The following CYP4F11 variants were observed in gnomAD, a reference collection of about 807,000 sequenced individuals.
CYP4F11 encodes the protein cytochrome P450 family 4 subfamily F member 11.
CYP4F11 carries 79 observed loss-of-function variants against 62.2 expected under a neutral mutation model. The observed-to-expected ratio is 1.27, with a 90% confidence interval of 1.06 to 1.53. CYP4F11 has a LOEUF of 1.53. CYP4F11 is among the 40% of genes most tolerant of loss of function. The pLI is 0.00. For synonymous variants in CYP4F11, 290 were observed against 263.7 expected (o/e 1.10, Z -0.97); for missense variants, 777 against 680.5 (o/e 1.14, Z -1.58).
In CYP4F11 at chr19:15,923,238, C is replaced by CCTCTCTCTCTCTCT. The variant is rs3056063; in HGVS notation, c.918+560_918+573dup. ...TTTTATTCCAGAACAAAGCAAACAT[C>CCTCTCTCTCTCTCT]CTCTCTCTCTCTCTCTCTCTCTCTC... is the stretch of plus-strand genomic sequence containing the variant. On this transcript the variant is annotated intron_variant, in intron 6 of 11. Transcript: ENST00000402119. Among the ~76,000 whole-genome samples, 433 of 110,468 alleles carry CCTCTCTCTCTCTCT rather than the reference C, an allele frequency of 3.9e-3. 6 individuals are homozygous for CCTCTCTCTCTCTCT. The highest frequency in any genetic ancestry group is 0.01 in the African/African-American group (292 of 28,164). 72.5% of individuals were successfully genotyped at this position (110,468 alleles called of 152,430 possible).
intron 8 of CYP4F11, among the ~76,000 whole-genome samples, chr19:15,920,176 A>G (rs1244508606): frequency 2.0e-5 from 3 of 152,226 alleles, no homozygotes; most frequent in African/African-American, 7.2e-5. Flanking sequence ...AGTGTACCCC[A>G]TAAATATATA....
intron 4 of CYP4F11, 46 bp from the exon 5 acceptor site, chr19:15,924,928 GA>G: frequency 6.3e-7 from 1 of 1,581,176 alleles, no homozygotes; most frequent in Non-Finnish European, 8.6e-7. Flanking sequence ...TGCCTCCTGG[GA>G]GCACCTTCCC....
intron 2 of CYP4F11, among the ~76,000 whole-genome samples, chr19:15,928,872 T>G (rs545575829): frequency 6.6e-6 from 1 of 152,232 alleles, no homozygotes; most frequent in Non-Finnish European, 1.5e-5. Context: ...CTCACCAGAC[T>G]TGAACATCAC....
upstream of CYP4F11, chr19:15,934,581 A>G (rs1162791505): frequency 1.4e-5 from 10 of 737,002 alleles, no homozygotes; most frequent in Admixed American, 2.7e-4. Context: ...CCCAATGAAA[A>G]CCAGCAGCCA....
intron 5 of CYP4F11, 118 bp from the exon 6 acceptor site, chr19:15,924,200 C>T (rs963952074): frequency 2.4e-6 from 3 of 1,249,952 alleles, no homozygotes; most frequent in Non-Finnish European, 2.2e-6. Flanking sequence ...GGAGACTTGA[C>T]TCTCCAAACT....
rs2089636568 is a variant in CYP4F11, at chr19:15,922,433, G to A, written c.919-3C>T. The stretch of plus-strand genomic sequence containing the variant: ...GACAATTCCTTCCCATCTTCATCCT[G>A]GAGAGAAGGCAAGACAATATCCCTG... On this transcript the variant is annotated splice_polypyrimidine_tract_variant and splice_region_variant and intron_variant, in intron 6 of 11. Coordinates refer to ENST00000402119, the MANE Select transcript of CYP4F11 (RefSeq NM_021187.4). 1.2e-6 allele frequency: 2 copies of A among 1,614,040 alleles called. No individual in the cohort carries two copies. The highest frequency in any genetic ancestry group is 1.7e-6 in the Non-Finnish European group (2 of 1,179,976).
intron 1 of CYP4F11, among the ~76,000 whole-genome samples, chr19:15,931,332 C>T (rs1239756374): frequency 6.6e-6 from 1 of 151,788 alleles, no homozygotes; most frequent in Non-Finnish European, 1.5e-5. Context: ...AGTCCCTGGA[C>T]AGTAGACTCA....
At position 15,924,808 on chromosome 19, in the gene CYP4F11, C is replaced by T. The variant is rs750209060; in HGVS notation, c.600G>A (p.Leu200=). The change falls in exon 5 of 12, where the codon TTG becomes TTA. Residue 200 remains leucine, a synonymous_variant. Coordinates refer to ENST00000402119, the MANE Select transcript of CYP4F11 (RefSeq NM_021187.4). The part of the protein sequence containing the change: ...DMFEHISLMT[L]DSLQKCVFSF... Reference sequence around the variant, plus strand: ...TGAAGACACATTTCTGCAGACTGTCCAAGGTCATGAGGCTGATGTGTTCAA... The same window carrying T: ...TGAAGACACATTTCTGCAGACTGTCTAAGGTCATGAGGCTGATGTGTTCAA... 10 of 1,613,130 alleles carry T rather than the reference C, an allele frequency of 6.2e-6. No individual in the cohort carries two copies. The African/African-American group carries it at 1.3e-4, about 22-fold the overall frequency.
At chr19:15,934,109 C>A in intron 1 of CYP4F11, 102 bp downstream of exon 1, 1 of 1,278,224 alleles carries the variant, frequency 7.8e-7, no homozygotes, top group Non-Finnish European at 1.1e-6. Flanking sequence ...TGTGTTCCCA[C>A]ACCCCAGCCA....
intron 1 of CYP4F11, among the ~76,000 whole-genome samples, chr19:15,930,178 C>A (rs1396221742): frequency 6.6e-6 from 1 of 152,142 alleles, no homozygotes; most frequent in East Asian, 1.9e-4. Context: ...ACATCAAGTT[C>A]CCCCTGCAGC....
intron 8 of CYP4F11, 138 bp from the exon 9 acceptor site, chr19:15,915,033 G>A: frequency 7.2e-6 from 10 of 1,382,170 alleles, no homozygotes; most frequent in South Asian, 5.2e-5. Flanking sequence ...AATTTAAAAA[G>A]CAGAAAAAAA....
rs547384373 is a variant in CYP4F11, at chr19:15,927,335, A to G, written c.402T>C (p.Asp134=). The part of the protein sequence containing the change: ...FYGFLKPWLG[D]GLLLSGGDKW... Reference sequence around the variant, plus strand: ...TGTCACCACCACTCAGCAGGAGCCCATCCCCTGGCAGGGCAACCAAGGACA... The same window carrying G: ...TGTCACCACCACTCAGCAGGAGCCCGTCCCCTGGCAGGGCAACCAAGGACA... The change falls in exon 4 of 12, where the codon GAT becomes GAC. Residue 134 remains aspartate (D), a synonymous_variant. Coordinates refer to ENST00000402119, the MANE Select transcript of CYP4F11 (RefSeq NM_021187.4). 1 of 1,614,126 alleles carries G rather than the reference A, an allele frequency of 6.2e-7. No homozygotes were observed. Among genetic ancestry groups the G allele is most frequent in the Non-Finnish European group, 8.5e-7 (1 of 1,179,976 alleles).
chr19:15,923,277 CTCTT>C (rs935367705), intron 6 of CYP4F11, among the ~76,000 whole-genome samples: 4 of 150,458 alleles, frequency 2.7e-5, no homozygotes, highest in Admixed American at 2.6e-4. Flanking sequence ...CTCTCTCTCT[CTCTT>C]TCTCATTCCC....
At position 15,924,857 on chromosome 19, in the gene CYP4F11, T is replaced by G; in HGVS notation, c.551A>C (p.Glu184Ala). ...MHDKWQRLAS[E>A]GSARLDMFEH... ...AAACATGTCCAGTCTGGCGCTGCCCTCTGAGGCCAGGCGCTGCCACTTGTC... is the reference window on the plus strand; with the variant it reads ...AAACATGTCCAGTCTGGCGCTGCCCGCTGAGGCCAGGCGCTGCCACTTGTC... Residue 184 changes from glutamate (E) to alanine (A), a missense_variant, in exon 5 of 12, where the codon GAG becomes GCG. Physicochemically the swap from Glu to Ala is moderately radical, Grantham distance 107. Transcript: ENST00000402119. 1 of 1,612,108 alleles carries G rather than the reference T, an allele frequency of 6.2e-7. No homozygotes were observed.
rs374426279 is a variant in CYP4F11 at position 15,914,330 on chromosome 19, A to C, written c.1372T>G (p.Phe458Val). The change falls in exon 11 of 12, where the codon TTT becomes GTT. Residue 458 changes from phenylalanine (F) to valine (V), a missense_variant. Coordinates refer to ENST00000402119, the MANE Select transcript of CYP4F11 (RefSeq NM_021187.4). ...ENIKERSPLA[F>V]IPFSAGPRNC... ...CTGGGCCCTGCCGAGAAGGGAATAA[A>C]AGCCAGAGGTGACCTCTCCTTGATG... 39 of 1,613,918 alleles carry C rather than the reference A, an allele frequency of 2.4e-5. No individual in the cohort carries two copies. The African/African-American group carries it at 3.5e-4, about 14-fold the overall frequency.
In CYP4F11 at chr19:15,934,488, G is replaced by C; in HGVS notation, c.-80C>G. Reference sequence around the variant, plus strand: ...GGAAGCTCCAAGGACAGTGGAAAGGGGCAAGGATGGGCAGTGCTGGAGGCA... The same window carrying C: ...GGAAGCTCCAAGGACAGTGGAAAGGCGCAAGGATGGGCAGTGCTGGAGGCA... On this transcript the variant is annotated 5_prime_UTR_variant, in exon 1 of 12. Transcript: ENST00000402119. 6.7e-7 allele frequency: 1 copy of C among 1,497,228 alleles called. No individual in the cohort carries two copies. Among genetic ancestry groups the C allele is most frequent in the Non-Finnish European group, 9.0e-7 (1 of 1,112,764 alleles). 92.7% of individuals were successfully genotyped at this position (1,497,228 alleles called of 1,614,324 possible). A position where few individuals can be genotyped will look rare whatever the true frequency, so the allele number is the denominator to read the frequency against.
chr19:15,922,660 G>C (rs1164633835), intron 6 of CYP4F11, among the ~76,000 whole-genome samples: 1 of 152,152 alleles, frequency 6.6e-6, no homozygotes, highest in Non-Finnish European at 1.5e-5. Context: ...ATGACCTATG[G>C]ATATTTTCTT....
chr19:15,929,571 A>C lies in CYP4F11; in HGVS notation c.229T>G (p.Leu77Val). ...GGATATGTGGTCACCAGCTGGGTCAATGTCTTCATGCCCTCTTCCGTGGGA... is the reference window on the plus strand; with the variant it reads ...GGATATGTGGTCACCAGCTGGGTCACTGTCTTCATGCCCTCTTCCGTGGGA... The part of the protein sequence containing the change: ...VTPTEEGMKT[L>V]TQLVTTYPQG... The change falls in exon 2 of 12, where the codon TTG (leucine) becomes GTG (valine). Residue 77 changes from leucine (L) to valine (V), a missense_variant. Leu to Val is a conservative substitution (Grantham distance 32). Coordinates refer to ENST00000402119, the MANE Select transcript of CYP4F11 (RefSeq NM_021187.4). The C allele has an allele frequency of 1.2e-6, 2 of 1,612,068 alleles. No individual in the cohort carries two copies. The highest frequency in any genetic ancestry group is 3.3e-4 in the Middle Eastern group (2 of 6,040).
chr19:15,917,598 A>T (rs1219641731), intron 8 of CYP4F11, among the ~76,000 whole-genome samples: 2 of 152,216 alleles, frequency 1.3e-5, no homozygotes, highest in Non-Finnish European at 2.9e-5. Flanking sequence ...ATGGATGGAT[A>T]GTACAGCTAC....
Sources: gnomAD v4.1 joint callset for allele counts (sites outside exome capture counted in the v4.1 genomes callset) on GRCh38, gnomAD v4.1.1 for gene constraint, MANE v1.5 for transcripts, NCBI Gene and HGNC (gene_info 2026-07-23, HGNC 2026-07-21) for gene names.